The following OPHN1 variants were observed in gnomAD, a reference collection of about 807,000 sequenced individuals.
OPHN1 encodes oligophrenin-1.
A neutral mutation model predicts 60.7 loss-of-function variants in OPHN1; 11 were observed. The ratio of observed to expected loss-of-function variants is 0.18; its 90% CI spans 0.11 to 0.30. The LOEUF (loss-of-function observed/expected upper bound fraction) is 0.30, where lower values mean the gene tolerates loss of function less well. Ranked by LOEUF, OPHN1 falls within the 10% of genes least tolerant of loss-of-function variation. OPHN1 has a pLI of 1.00. For missense variants in OPHN1, 449 were observed against 611.0 expected (o/e 0.73, Z 2.80); for synonymous variants, 226 against 222.6 (o/e 1.02, Z -0.14).
intron 22 of OPHN1, among the ~76,000 whole-genome samples, 167 bp from the exon 23 acceptor site, chrX:68,052,757 C>T (rs992911995): frequency 4.5e-5 from 5 of 111,845 alleles, no homozygotes; most frequent in African/African-American, 1.6e-4. Flanking sequence ...GCCCAGAGCC[C>T]ATAGGCACCC....
chrX:68,379,912 G>T (rs1006541658), intron 2 of OPHN1, among the ~76,000 whole-genome samples: 2 of 109,224 alleles, frequency 1.8e-5, no homozygotes, highest in African/African-American at 6.9e-5. Context: ...TCTCTGCCCG[G>T]CTTTGGTATC....
At chrX:68,174,721 C>T (rs2077406731) in intron 15 of OPHN1, among the ~76,000 whole-genome samples, 1 of 110,169 alleles carries the variant, frequency 9.1e-6, no homozygotes, top group Non-Finnish European at 1.9e-5. Flanking sequence ...ATCCACCCAC[C>T]TCAGCCTCCT....
intron 15 of OPHN1, among the ~76,000 whole-genome samples, chrX:68,171,090 C>G (rs1305081758): frequency 9.0e-6 from 1 of 110,508 alleles, no homozygotes; most frequent in East Asian, 2.8e-4. Context: ...TAGTAATAAT[C>G]TAATTATACA....
intron 4 of OPHN1, among the ~76,000 whole-genome samples, chrX:68,278,520 CA>C (rs1449868981): frequency 8.9e-6 from 1 of 112,923 alleles, no homozygotes; most frequent in Admixed American, 9.3e-5. Context: ...AGGTGTTGAG[CA>C]GAATAGAGAT....
At chrX:68,390,556 G>A (rs1569300384) in intron 2 of OPHN1, among the ~76,000 whole-genome samples, 1 of 111,626 alleles carries the variant, frequency 9.0e-6, no homozygotes, top group African/African-American at 3.3e-5. Context: ...CAGAAATTGC[G>A]CCACTGCACT....
chrX:68,103,868 G>C (rs990827752), intron 18 of OPHN1, among the ~76,000 whole-genome samples: 24 of 111,995 alleles, frequency 2.1e-4, no homozygotes, highest in African/African-American at 7.1e-4. Flanking sequence ...AACAGGAAGA[G>C]AGGAAGTCAA....
intron 2 of OPHN1, among the ~76,000 whole-genome samples, chrX:68,350,976 TG>T (rs1173803954): frequency 8.9e-6 from 1 of 111,817 alleles, no homozygotes; most frequent in Non-Finnish European, 1.9e-5. Context: ...TTGCCCAGGC[TG>T]GAGTGCAATG....
intron 15 of OPHN1, among the ~76,000 whole-genome samples, chrX:68,130,397 G>A (rs779690657): frequency 2.3e-4 from 26 of 111,401 alleles, no homozygotes; most frequent in Non-Finnish European, 4.0e-4. Flanking sequence ...TTATAACCTT[G>A]AGGCAAAAAT....
intron 2 of OPHN1, among the ~76,000 whole-genome samples, chrX:68,313,058 C>T (rs1306756157): frequency 9.0e-6 from 1 of 110,888 alleles, no homozygotes; most frequent in Non-Finnish European, 1.9e-5. Context: ...GCGTGATGAT[C>T]CTACAACTGC....
At chrX:68,329,970 T>A (rs1212799746) in intron 2 of OPHN1, among the ~76,000 whole-genome samples, 1 of 112,251 alleles carries the variant, frequency 8.9e-6, no homozygotes, top group African/African-American at 3.2e-5. Flanking sequence ...CTTGCCTATG[T>A]AAAAGTGTGA....
At chrX:68,101,582 ACT>A (rs2077059029) in intron 18 of OPHN1, among the ~76,000 whole-genome samples, 1 of 112,227 alleles carries the variant, frequency 8.9e-6, no homozygotes, top group African/African-American at 3.2e-5. Context: ...GTATTTAAAG[ACT>A]CAGGTAAAAG....
intron 12 of OPHN1, 116 bp from the exon 13 acceptor site, chrX:68,194,614 C>T (rs1332335891): frequency 9.3e-5 from 61 of 655,983 alleles, no homozygotes; most frequent in Non-Finnish European, 1.4e-4. Flanking sequence ...TTAGAAACTC[C>T]AGGATGTTAA....
intron 15 of OPHN1, among the ~76,000 whole-genome samples, chrX:68,171,794 G>C (rs1407605398): frequency 9.0e-6 from 1 of 111,040 alleles, no homozygotes; most frequent in Admixed American, 9.6e-5. Context: ...TCAAAAAGTG[G>C]ACAAAAGATA....
chrX:68,197,767 G>A (rs2147463060), intron 11 of OPHN1, among the ~76,000 whole-genome samples: 1 of 111,787 alleles, frequency 8.9e-6, no homozygotes, highest in Admixed American at 9.5e-5. Flanking sequence ...GACACAGGGA[G>A]GAGGCGTTTT....
chrX:68,098,700 C>T (rs1487155486), intron 18 of OPHN1, among the ~76,000 whole-genome samples: 4 of 111,336 alleles, frequency 3.6e-5, no homozygotes, highest in East Asian at 2.8e-4. Context: ...TCTTTAGTGA[C>T]GGAAGTTTTT....
intron 21 of OPHN1, 39 bp from the exon 22 acceptor site, chrX:68,053,849 C>T: frequency 8.4e-7 from 1 of 1,185,781 alleles, no homozygotes; most frequent in Non-Finnish European, 1.1e-6. Flanking sequence ...GGATGGTTAG[C>T]CAAACAGAAC....
intron 2 of OPHN1, among the ~76,000 whole-genome samples, chrX:68,402,255 GGAAA>G (rs1337302058): frequency 9.5e-6 from 1 of 104,933 alleles, no homozygotes; most frequent in East Asian, 3.0e-4. Flanking sequence ...TCATGAGAGA[GGAAA>G]GAAAGAAAGA....
chrX:68,353,375 C>T (rs1379471719), intron 2 of OPHN1, among the ~76,000 whole-genome samples: 1 of 99,206 alleles, frequency 1.0e-5, no homozygotes, highest in Non-Finnish European at 2.0e-5. Flanking sequence ...TTGAGACCAG[C>T]CTGGCCAACA....
chrX:68,380,138 T>C (rs1374139209), intron 2 of OPHN1, among the ~76,000 whole-genome samples: 1 of 111,500 alleles, frequency 9.0e-6, no homozygotes, highest in Non-Finnish European at 1.9e-5. Flanking sequence ...AGATTCAACT[T>C]CTTCCTGGTT....
Sources: allele counts gnomAD v4.1 joint callset (sites outside exome capture counted in the v4.1 genomes callset), GRCh38; gene constraint gnomAD v4.1.1; transcripts MANE v1.5; gene names NCBI Gene and HGNC (gene_info 2026-07-23, HGNC 2026-07-21).